Variants in ESRP1 observed in about 807,000 individuals in gnomAD.
ESRP1 encodes epithelial splicing regulatory protein 1.
In ESRP1, 33 loss-of-function variants were observed where a neutral mutation model predicts 81.7. The ratio of observed to expected loss-of-function variants is 0.40; its 90% CI spans 0.31 to 0.54. The LOEUF (loss-of-function observed/expected upper bound fraction) is 0.54, where lower values mean the gene tolerates loss of function less well. ESRP1 is among the 20% of genes least tolerant of loss of function. The probability of loss-of-function intolerance (pLI) is 0.41; values close to 1 mark genes in which losing one functional copy is unlikely to be tolerated. For missense variants in ESRP1, 672 were observed against 833.1 expected, an observed-to-expected ratio of 0.81 and a Z score of 2.38; for synonymous variants, 320 against 303.3, an observed-to-expected ratio of 1.06 and a Z score of -0.57.
chr8:94,650,164 T>C (rs62523412), intron 4 of ESRP1, among the ~76,000 whole-genome samples: 50,119 of 152,114 alleles, frequency 0.33, 9,841 homozygotes, highest in East Asian at 0.56. Context: ...TCTTGTACAT[T>C]CTATGGATTT....
chr8:94,663,435 G>A (rs1409040610), intron 6 of ESRP1, among the ~76,000 whole-genome samples: 1 of 152,012 alleles, frequency 6.6e-6, no homozygotes, highest in Non-Finnish European at 1.5e-5. Context: ...TAGTAGAGAT[G>A]GGGTTTTGCC....
intron 9 of ESRP1, among the ~76,000 whole-genome samples, chr8:94,667,068 GGTGT>G (rs1163646804): frequency 2.1e-5 from 3 of 144,320 alleles, no homozygotes; most frequent in African/African-American, 5.3e-5. Flanking sequence ...CCAGGAGAGG[GGTGT>G]GTGTGTGTGT....
At chr8:94,700,979 G>GTGTGTGTATGTGTGTGTA in intron 15 of ESRP1, among the ~76,000 whole-genome samples, 3 of 132,712 alleles carry the variant, frequency 2.3e-5, no homozygotes. Context: ...GTGTGTGTGT[G>GTGTGTGTATGTGTGTGTA]TGTGTTAAGA....
chr8:94,663,117 T>G (rs1252009463), intron 6 of ESRP1, among the ~76,000 whole-genome samples: 1 of 152,222 alleles, frequency 6.6e-6, no homozygotes, highest in Admixed American at 6.5e-5. Context: ...TATCTGTGAT[T>G]GTTATTTTGG....
At chr8:94,668,275 G>A in intron 10 of ESRP1, 25 bp downstream of exon 10, 1 of 1,532,390 alleles carries the variant, frequency 6.5e-7, no homozygotes, top group African/African-American at 1.4e-5. Flanking sequence ...CAAGTATGTT[G>A]TACCTTTGCA....
rs1170269009 is a variant in ESRP1, at chr8:94,664,748, A to G, written c.696A>G (p.Leu232=). 1.2e-6 allele frequency: 2 copies of G among 1,613,904 alleles called. No individual in the cohort carries two copies. The highest frequency in any genetic ancestry group is 1.7e-6 in the Non-Finnish European group (2 of 1,179,898). Residue 232 remains leucine (L), a synonymous_variant, in exon 7 of 16, where the codon TTA becomes TTG. Coordinates refer to ENST00000433389, the MANE Select transcript of ESRP1 (RefSeq NM_017697.4). The part of the protein sequence containing the change: ...DDNTVVRARG[L]PWQSSDQDIA... Reference sequence around the variant, plus strand: ...ACACCGTAGTCAGGGCACGAGGTTTACCATGGCAGTCTTCAGATCAAGATA... The same window carrying G: ...ACACCGTAGTCAGGGCACGAGGTTTGCCATGGCAGTCTTCAGATCAAGATA...
Position 94,676,422 on chromosome 8 carries a change from C to T in ESRP1, c.1652-1781C>T, listed in dbSNP as rs76591506. 8.9e-3 allele frequency among the ~76,000 whole-genome samples: 1,340 copies of T among 150,132 alleles called. 15 individuals are homozygous for T. The highest frequency in any genetic ancestry group is 0.046 in the Middle Eastern group (13 of 284). ...ATTGCAGCCCAATCTATTTGGTTAT[C>T]GAAAATTTCTACCTTTGTTTTGAAG... On this transcript the variant is annotated intron_variant, in intron 12 of 15. Coordinates refer to ENST00000433389, the MANE Select transcript of ESRP1 (RefSeq NM_017697.4).
chr8:94,646,360 T>C, intron 4 of ESRP1, 78 bp downstream of exon 4: 1 of 1,028,634 alleles, frequency 9.7e-7, no homozygotes, highest in Non-Finnish European at 1.4e-6. Flanking sequence ...TTTCAAACAT[T>C]TTAAATTTTG....
chr8:94,662,664 G>A (rs1818809537), intron 6 of ESRP1, 109 bp downstream of exon 6: 2 of 893,914 alleles, frequency 2.2e-6, no homozygotes, highest in African/African-American at 1.7e-5. Flanking sequence ...CTGGAGTGCA[G>A]TGGCACGATC....
At chr8:94,658,350 T>C (rs992763046) in intron 4 of ESRP1, among the ~76,000 whole-genome samples, 4 of 152,176 alleles carry the variant, frequency 2.6e-5, no homozygotes, top group Admixed American at 6.5e-5. Context: ...CAGCAGATCC[T>C]TGGAAGCTAT....
Position 94,641,278 on chromosome 8 carries a change from C to T in ESRP1, c.-41C>T. The stretch of plus-strand genomic sequence containing the variant: ...TCGTTCTCACTTCCACACCACCTTA[C>T]CGCCTCCCGACCCCCCCTCTCCCCC... On this transcript the variant is annotated 5_prime_UTR_variant, in exon 1 of 16. Coordinates refer to ENST00000433389, the MANE Select transcript of ESRP1 (RefSeq NM_017697.4). The T allele has an allele frequency of 6.3e-7, 1 of 1,590,438 alleles. No individual in the cohort carries two copies. Among genetic ancestry groups the T allele is most frequent in the Non-Finnish European group, 8.6e-7 (1 of 1,165,070 alleles).
chr8:94,695,875 C>T (rs912807758), intron 14 of ESRP1, among the ~76,000 whole-genome samples: 1 of 152,074 alleles, frequency 6.6e-6, no homozygotes, highest in South Asian at 2.1e-4. Context: ...CCAGCCTGGC[C>T]AACATGGTGA....
chr8:94,680,056 T>C (rs902460535), intron 13 of ESRP1, among the ~76,000 whole-genome samples: 4 of 152,234 alleles, frequency 2.6e-5, no homozygotes, highest in African/African-American at 9.6e-5. Context: ...CAAACTTTTT[T>C]TCCCTGACTA....
At chr8:94,660,746 A>AAAACAAAC (rs146754323) in intron 4 of ESRP1, among the ~76,000 whole-genome samples, 7 of 136,804 alleles carry the variant, frequency 5.1e-5, no homozygotes, top group Admixed American at 3.9e-4. Flanking sequence ...AAAAAAAACC[A>AAAACAAAC]AAACAAACAA....
intron 10 of ESRP1, among the ~76,000 whole-genome samples, chr8:94,669,633 A>G (rs561638164): frequency 6.6e-6 from 1 of 152,258 alleles, no homozygotes; most frequent in South Asian, 2.1e-4. Context: ...TGGGAGTCCA[A>G]GGCGAGCGGA....
intron 15 of ESRP1, among the ~76,000 whole-genome samples, chr8:94,704,787 A>G (rs1046395057): frequency 1.9e-5 from 2 of 104,716 alleles, no homozygotes; most frequent in Admixed American, 2.0e-4. Context: ...AAAAAAAAAA[A>G]AAAAAACTGC....
chr8:94,646,860 A>C (rs1327780624), intron 4 of ESRP1, among the ~76,000 whole-genome samples: 1 of 152,194 alleles, frequency 6.6e-6, no homozygotes, highest in African/African-American at 2.4e-5. Flanking sequence ...TATATTGTAA[A>C]AGTAATTTTA....
intron 15 of ESRP1, among the ~76,000 whole-genome samples, chr8:94,705,157 T>C (rs988908987): frequency 4.6e-4 from 3 of 6,488 alleles, no homozygotes; most frequent in South Asian, 2.2e-3. Flanking sequence ...GCCTTATTGC[T>C]TTTTTTTTTT....
chr8:94,674,748 A>C (rs1231148652), intron 12 of ESRP1, among the ~76,000 whole-genome samples: 1 of 152,232 alleles, frequency 6.6e-6, no homozygotes, highest in Admixed American at 6.5e-5. Context: ...AGTGATAAGC[A>C]CTTGATTTCT....
Sources: allele counts gnomAD v4.1 joint callset (sites outside exome capture counted in the v4.1 genomes callset), GRCh38; gene constraint gnomAD v4.1.1; transcripts MANE v1.5; gene names NCBI Gene and HGNC (gene_info 2026-07-23, HGNC 2026-07-21).